The following KAZN variants were observed in gnomAD, a reference collection of about 807,000 sequenced individuals.
KAZN encodes the protein kazrin.
KAZN carries 40 observed loss-of-function variants against 87.4 expected under a neutral mutation model. That is an observed-to-expected ratio of 0.46 (90% confidence interval 0.36 to 0.60). The LOEUF (loss-of-function observed/expected upper bound fraction) is 0.60. KAZN is among the 20% of genes least tolerant of loss of function. The pLI is 0.00. For missense variants in KAZN, 898 were observed against 1,073.9 expected (o/e 0.84, Z 2.29); for synonymous variants, 466 against 458.3 (o/e 1.02, Z -0.22).
chr1:14,346,732 C>T (rs1352223875), intron 2 of KAZN, among the ~76,000 whole-genome samples: 17 of 152,124 alleles, frequency 1.1e-4, no homozygotes, highest in Admixed American at 1.1e-3. Flanking sequence ...ATAAGTTGTT[C>T]ACCCTATTAG....
At position 14,135,690 on chromosome 1, in the gene KAZN, A is replaced by G. The variant is rs367894261; in HGVS notation, c.92-44745A>G. Among the ~76,000 whole-genome samples the G allele has an allele frequency of 7.6e-4, 115 of 152,302 alleles. 4 individuals carry two copies. In the South Asian group the frequency reaches 0.022, roughly 30 times the overall value. On this transcript the variant is annotated intron_variant, in intron 1 of 16. Coordinates refer to the KAZN transcript ENST00000636203. ...AGGTCTTGTTTAAGTAGACCACTTGAACATTTTCTTTTCCTCTGTTCATTG... is the reference window on the plus strand; with the variant it reads ...AGGTCTTGTTTAAGTAGACCACTTGGACATTTTCTTTTCCTCTGTTCATTG...
intron 2 of KAZN, among the ~76,000 whole-genome samples, chr1:15,024,153 A>C (rs1032996255): frequency 1.3e-5 from 2 of 152,142 alleles, no homozygotes; most frequent in Admixed American, 1.3e-4. Flanking sequence ...TGAAGCCACC[A>C]ATGCCCAGAG....
intron 1 of KAZN, among the ~76,000 whole-genome samples, chr1:14,738,628 G>A (rs1004509323): frequency 6.6e-6 from 1 of 152,160 alleles, no homozygotes; most frequent in African/African-American, 2.4e-5. Context: ...TTCAGGAGAA[G>A]AGAGGTAAGT....
chr1:14,921,734 C>T (rs1340369741), intron 1 of KAZN, among the ~76,000 whole-genome samples: 1 of 152,158 alleles, frequency 6.6e-6, no homozygotes, highest in Non-Finnish European at 1.5e-5. Flanking sequence ...TTTTTTGAGA[C>T]CAGGTCTCAC....
intron 4 of KAZN, among the ~76,000 whole-genome samples, chr1:15,048,592 G>A (rs1030658472): frequency 1.1e-4 from 17 of 150,570 alleles, no homozygotes; most frequent in Middle Eastern, 6.8e-3. Context: ...CGTTGGTCCT[G>A]GGTCGTCGGT....
rs1227345191 is a variant in KAZN at position 14,153,549 on chromosome 1, C to T, written c.92-26886C>T. On this transcript the variant is annotated intron_variant, in intron 1 of 16. Transcript: ENST00000636203. Reference sequence around the variant, plus strand: ...CAGCACTTTGGGAGGCTGAGGCAGGCGGATCACCTGAGGTCAGGAGTTGGA... The same window carrying T: ...CAGCACTTTGGGAGGCTGAGGCAGGTGGATCACCTGAGGTCAGGAGTTGGA... Among the ~76,000 whole-genome samples, 4 of 151,678 alleles carry T rather than the reference C, an allele frequency of 2.6e-5. No individual in the cohort carries two copies. The East Asian group carries it at 5.8e-4, about 22-fold the overall frequency.
At chr1:14,971,379 C>T (rs1009430725) in intron 2 of KAZN, among the ~76,000 whole-genome samples, 3 of 152,312 alleles carry the variant, frequency 2.0e-5, no homozygotes, top group Middle Eastern at 3.4e-3. Flanking sequence ...GCCTGGGCGA[C>T]AGAGCGAGAC....
chr1:14,218,640 AAT>A (rs1647020463), intron 2 of KAZN, among the ~76,000 whole-genome samples: 1 of 152,000 alleles, frequency 6.6e-6, no homozygotes. Context: ...AAGCTCAATA[AAT>A]ATGTTTAAAT....
intron 1 of KAZN, among the ~76,000 whole-genome samples, chr1:14,920,072 G>C (rs1658327071): frequency 6.6e-6 from 1 of 152,102 alleles, no homozygotes; most frequent in Non-Finnish European, 1.5e-5. Context: ...GGTGGGGGAA[G>C]GGAAAGAGTT....
At chr1:14,686,675 T>C (rs1640971723) in intron 1 of KAZN, among the ~76,000 whole-genome samples, 1 of 152,162 alleles carries the variant, frequency 6.6e-6, no homozygotes, top group Admixed American at 6.5e-5. Flanking sequence ...TAATATCGGG[T>C]GTAGCGGGAA....
intron 1 of KAZN, among the ~76,000 whole-genome samples, chr1:14,177,414 A>G (rs947222386): frequency 2.0e-5 from 3 of 152,168 alleles, no homozygotes; most frequent in African/African-American, 4.8e-5. Flanking sequence ...CTTCTGCCTC[A>G]AGTAACTTCT....
At chr1:14,966,049 G>A (rs1428862932) in intron 2 of KAZN, among the ~76,000 whole-genome samples, 5 of 141,416 alleles carry the variant, frequency 3.5e-5, no homozygotes, top group Admixed American at 7.6e-5. Context: ...GCGTGACCTC[G>A]GCTCACTGCA....
At chr1:14,055,279 G>C in intron 1 of KAZN, among the ~76,000 whole-genome samples, 1 of 152,184 alleles carries the variant, frequency 6.6e-6, no homozygotes, top group East Asian at 1.9e-4. Flanking sequence ...TCAGAATATT[G>C]ACTGGCACAT....
chr1:14,804,359 C>G (rs1646136486), intron 1 of KAZN, among the ~76,000 whole-genome samples: 1 of 152,182 alleles, frequency 6.6e-6, no homozygotes, highest in Non-Finnish European at 1.5e-5. Context: ...AGCAGGGACC[C>G]CATGGATGGG....
chr1:14,819,898 C>T (rs1646688547), intron 1 of KAZN, among the ~76,000 whole-genome samples: 1 of 151,826 alleles, frequency 6.6e-6, no homozygotes, highest in Non-Finnish European at 1.5e-5. Context: ...TTAGTAGAGA[C>T]AGGGTTTCAC....
chr1:14,322,240 A>T (rs1302506462), intron 2 of KAZN, among the ~76,000 whole-genome samples: 1 of 152,070 alleles, frequency 6.6e-6, no homozygotes, highest in Non-Finnish European at 1.5e-5. Context: ...AGCCTGGGCA[A>T]TATGGCAAGA....
chr1:14,309,648 C>T (rs1267987380), intron 2 of KAZN, among the ~76,000 whole-genome samples: 2 of 152,194 alleles, frequency 1.3e-5, no homozygotes, highest in East Asian at 1.9e-4. Flanking sequence ...GTGGCCTCCA[C>T]CTCCCAGGCT....
intron 2 of KAZN, among the ~76,000 whole-genome samples, chr1:14,365,299 G>A (rs1388456959): frequency 5.9e-5 from 9 of 151,302 alleles, no homozygotes; most frequent in African/African-American, 9.7e-5. Flanking sequence ...CGCCCGCCTC[G>A]GCCTCCTAAA....
chr1:14,832,566 G>A (rs2100884429), intron 1 of KAZN, among the ~76,000 whole-genome samples: 1 of 152,144 alleles, frequency 6.6e-6, no homozygotes, highest in African/African-American at 2.4e-5. Context: ...AATTGTCTTG[G>A]GCCACACATA....
Sources: allele counts gnomAD v4.1 joint callset (sites outside exome capture counted in the v4.1 genomes callset), GRCh38; gene constraint gnomAD v4.1.1; transcripts MANE v1.5; gene names NCBI Gene and HGNC (gene_info 2026-07-23, HGNC 2026-07-21).